Variants in TIAM2 observed in about 807,000 individuals in gnomAD.
The protein encoded by TIAM2 is rho guanine nucleotide exchange factor TIAM2.
Under a neutral mutation model 152.9 loss-of-function variants are expected in TIAM2, and 80 were observed. The observed-to-expected ratio is 0.52, with a 90% CI of 0.44 to 0.63. The LOEUF (loss-of-function observed/expected upper bound fraction) is 0.63. TIAM2 is among the 30% of genes least tolerant of loss of function. The pLI, the probability that TIAM2 is intolerant of heterozygous loss-of-function variation, is 0.00. For missense variants in TIAM2, 1,965 were observed against 2,120.1 expected, an observed-to-expected ratio of 0.93 and a Z score of 1.44; for synonymous variants, 804 against 838.0, an observed-to-expected ratio of 0.96 and a Z score of 0.70.
rs1784154575 is a variant in TIAM2, at chr6:155,257,641, T to C, written c.*520T>C. 2 of 613,552 alleles carry C rather than the reference T, an allele frequency of 3.3e-6. No individual in the cohort carries two copies. The highest frequency in any genetic ancestry group is 2.8e-6 in the Non-Finnish European group (1 of 355,186). The allele number at this position is 613,552 out of a possible 1,614,324, so 38.0% of individuals were successfully genotyped here. ...GTCATAACTATCTATACAGTATATATTAAAAGAAAGCTTGTACTGTATCTT... is the reference window on the plus strand; with the variant it reads ...GTCATAACTATCTATACAGTATATACTAAAAGAAAGCTTGTACTGTATCTT... On this transcript the variant is annotated 3_prime_UTR_variant, in exon 27 of 27. Coordinates refer to ENST00000682666, the MANE Select transcript of TIAM2 (RefSeq NM_012454.4).
At chr6:155,102,878 T>C (rs1201289130) in intron 2 of TIAM2, among the ~76,000 whole-genome samples, 3 of 151,870 alleles carry the variant, frequency 2.0e-5, no homozygotes, top group Admixed American at 2.0e-4. Flanking sequence ...TCAAAAGAAT[T>C]GTATAGTGAA....
chr6:155,094,755 T>G (rs190086381), intron 2 of TIAM2, among the ~76,000 whole-genome samples: 10 of 149,420 alleles, frequency 6.7e-5, no homozygotes, highest in South Asian at 4.3e-4. Context: ...TGTTTTTTTG[T>G]TTTTTTTTGT....
At chr6:155,026,232 A>G (rs1776599167) in intron 1 of TIAM2, among the ~76,000 whole-genome samples, 1 of 152,248 alleles carries the variant, frequency 6.6e-6, no homozygotes, top group African/African-American at 2.4e-5. Context: ...CTGTCACACC[A>G]TAAAATGTTA....
chr6:155,180,282 G>A (rs535102906), intron 12 of TIAM2, among the ~76,000 whole-genome samples: 7 of 152,146 alleles, frequency 4.6e-5, no homozygotes, highest in Admixed American at 1.3e-4. Flanking sequence ...GCGAAACTCC[G>A]TCTCAAAACA....
rs945890989 is a variant in TIAM2 at position 155,129,049 on chromosome 6, C to A, written c.-6-169C>A. 4.8e-6 allele frequency: 3 copies of A among 621,908 alleles called. No homozygotes were observed. The highest frequency in any genetic ancestry group is 3.7e-5 in the African/African-American group (2 of 54,290). The allele number at this position is 621,908 out of a possible 1,614,324, so 38.5% of individuals were successfully genotyped here. On this transcript the variant is annotated intron_variant, in intron 3 of 26. Transcript: ENST00000682666. This position sits in a 1 kb window ranked among gnomAD's most constrained non-coding sequence, Gnocchi z 4.8. Reference sequence around the variant, plus strand: ...TCTGTCTAGCTAATGAGCAGCCTTGCAAAATAAGGAGAGCCTGTTCTACTG... The same window carrying A: ...TCTGTCTAGCTAATGAGCAGCCTTGAAAAATAAGGAGAGCCTGTTCTACTG...
At chr6:155,217,018 AG>A in intron 15 of TIAM2, 4 of 1,282,480 alleles carry the variant, frequency 3.1e-6, no homozygotes, top group Non-Finnish European at 4.1e-6. Context: ...ATCTCCCAAC[AG>A]CCGACTTAGA....
chr6:155,211,064 C>T (rs931870111), intron 14 of TIAM2, 140 bp from the exon 15 acceptor site: 2 of 576,654 alleles, frequency 3.5e-6, no homozygotes, highest in Non-Finnish European at 6.0e-6. Context: ...TAATTGTAAC[C>T]TCAGTGTCAT....
intron 9 of TIAM2, among the ~76,000 whole-genome samples, chr6:155,167,579 A>C (rs1318385225): frequency 6.6e-6 from 1 of 152,190 alleles, no homozygotes; most frequent in Non-Finnish European, 1.5e-5. Context: ...TGTAATGGAA[A>C]TGTATTTCCT....
chr6:155,246,881 A>G (rs1361841139), intron 19 of TIAM2, among the ~76,000 whole-genome samples: 3 of 152,258 alleles, frequency 2.0e-5, no homozygotes, highest in Non-Finnish European at 4.4e-5. Flanking sequence ...ATAAGGGTGT[A>G]TCTTCCTTCA....
chr6:155,013,204 G>GA, intron 1 of TIAM2, among the ~76,000 whole-genome samples: 1 of 147,778 alleles, frequency 6.8e-6, no homozygotes, highest in African/African-American at 2.5e-5. Flanking sequence ...GAGGTTTGGG[G>GA]TCTACAGCTG....
rs371642273 is a variant in TIAM2, at chr6:155,190,868, C to T, written c.3064+7368C>T. On this transcript the variant is annotated intron_variant, in intron 14 of 26. Transcript: ENST00000682666. Reference sequence around the variant, plus strand: ...AAAAAAAAAGATCTCACTTTCCTGTCGGTGTTATGAGTACTGGCTGCCAAA... The same window carrying T: ...AAAAAAAAAGATCTCACTTTCCTGTTGGTGTTATGAGTACTGGCTGCCAAA... Among the ~76,000 whole-genome samples the T allele has an allele frequency of 3.1e-4, 47 of 152,098 alleles. No homozygotes were observed. The South Asian group carries it at 8.5e-3, about 28-fold the overall frequency.
At chr6:155,221,198 A>C (rs1428386251) in intron 15 of TIAM2, among the ~76,000 whole-genome samples, 1 of 151,766 alleles carries the variant, frequency 6.6e-6, no homozygotes, top group Non-Finnish European at 1.5e-5. Flanking sequence ...ATAAAGAAGT[A>C]AAAAAGAGAA....
chr6:155,019,882 A>G (rs1776439663), intron 1 of TIAM2, among the ~76,000 whole-genome samples: 2 of 152,070 alleles, frequency 1.3e-5, no homozygotes, highest in South Asian at 4.1e-4. Context: ...GTAAAACCCC[A>G]TCTCTACTAA....
At chr6:155,104,481 G>A (rs138118898) in intron 2 of TIAM2, among the ~76,000 whole-genome samples, 19 of 152,160 alleles carry the variant, frequency 1.2e-4, no homozygotes, top group East Asian at 3.9e-4. Flanking sequence ...AAGCATGGCC[G>A]GCACGGTGGG....
At chr6:155,091,978 A>G (rs1325096451) in intron 2 of TIAM2, among the ~76,000 whole-genome samples, 2 of 152,158 alleles carry the variant, frequency 1.3e-5, no homozygotes, top group African/African-American at 4.8e-5. Flanking sequence ...GCTCACTGCA[A>G]CCTCGACCAC....
At position 155,164,541 on chromosome 6, in the gene TIAM2, C is replaced by G; in HGVS notation, c.2155C>G (p.Pro719Ala). The change falls in exon 8 of 27, where the codon CCC (proline) becomes GCC (alanine). Residue 719 changes from proline (P) to alanine (A), a missense_variant. Around this residue, in one of 3 missense-constraint regions of TIAM2, gnomAD observed 1,025 missense variants for 1,119.4 expected, o/e 0.92. Transcript: ENST00000682666. ...GAGTCTCCTTGCAGCCGCCAGCCGC[C>G]CCTCCAAGCTGGCCCTCGGCAGGCT... The part of the protein sequence containing the change: ...PKSLLAAASR[P>A]SKLALGRLGI... The G allele has an allele frequency of 1.2e-6, 2 of 1,614,066 alleles. No individual in the cohort carries two copies. The highest frequency in any genetic ancestry group is 1.7e-6 in the Non-Finnish European group (2 of 1,180,014).
At chr6:155,206,092 G>C (rs911605435) in intron 14 of TIAM2, among the ~76,000 whole-genome samples, 1 of 152,274 alleles carries the variant, frequency 6.6e-6, no homozygotes, top group Non-Finnish European at 1.5e-5. Context: ...AGGTACTGAC[G>C]CACAGTTCAG....
chr6:155,257,100 A>G lies in TIAM2; in HGVS notation c.5085A>G (p.Thr1695=). The G allele has an allele frequency of 1.9e-6, 3 of 1,613,914 alleles. 1 individual carries two copies. In the South Asian group the frequency reaches 3.3e-5, roughly 18 times the overall value. Reference sequence around the variant, plus strand: ...TCAGTGAGGAGTGTTTTTATGAAACAGAGAGCCACGGAAAATCATAGTATG... The same window carrying G: ...TCAGTGAGGAGTGTTTTTATGAAACGGAGAGCCACGGAAAATCATAGTATG... ...SVVSEECFYE[T]ESHGKS Residue 1695 remains threonine (T), a synonymous_variant, in exon 27 of 27, where the codon ACA becomes ACG. Transcript: ENST00000682666.
At chr6:155,188,581 C>T (rs1229856178) in intron 14 of TIAM2, among the ~76,000 whole-genome samples, 2 of 152,206 alleles carry the variant, frequency 1.3e-5, no homozygotes, top group Non-Finnish European at 2.9e-5. Context: ...CCCAGAGAGG[C>T]CAGTGTTATT....
Sources: allele counts gnomAD v4.1 joint callset (sites outside exome capture counted in the v4.1 genomes callset), GRCh38; gene constraint gnomAD v4.1.1; regional missense constraint gnomAD v4.1.1; non-coding constraint Gnocchi (gnomAD v3.1); transcripts MANE v1.5; gene names NCBI Gene and HGNC (gene_info 2026-07-23, HGNC 2026-07-21).